The following ITGA4 variants were observed in gnomAD, a reference collection of about 807,000 sequenced individuals.
The protein encoded by ITGA4 is integrin alpha-4.
A neutral mutation model predicts 133.6 loss-of-function variants in ITGA4; 63 were observed. The observed-to-expected ratio is 0.47, with a 90% CI of 0.38 to 0.58. The LOEUF (loss-of-function observed/expected upper bound fraction) is 0.58. Ranked by LOEUF, ITGA4 falls within the 20% of genes least tolerant of loss-of-function variation. The probability of loss-of-function intolerance (pLI) is 0.00; values close to 1 mark genes in which losing one functional copy is unlikely to be tolerated. For synonymous variants in ITGA4, 483 were observed against 438.0 expected, an observed-to-expected ratio of 1.10 and a Z score of -1.28; for missense variants, 1,076 against 1,252.7, an observed-to-expected ratio of 0.86 and a Z score of 2.13.
Position 181,477,885 on chromosome 2 carries a change from C to G in ITGA4, c.557-872C>G, listed in dbSNP as rs1226083959. 4.0e-4 allele frequency among the ~76,000 whole-genome samples: 61 copies of G among 152,212 alleles called. 1 individual carries two copies. The South Asian group carries it at 7.5e-3, about 19-fold the overall frequency. The stretch of plus-strand genomic sequence containing the variant: ...TGAAATCAGTACCACATAAAGAGAT[C>G]TGCGTTTTTATGTTCATTGCAGCAG... On this transcript the variant is annotated intron_variant, in intron 4 of 27. Coordinates refer to ENST00000397033, the MANE Select transcript of ITGA4 (RefSeq NM_000885.6).
At chr2:181,480,336 G>C (rs1480161416) in intron 6 of ITGA4, 70 bp downstream of exon 6, 1 of 839,996 alleles carries the variant, frequency 1.2e-6, no homozygotes, top group African/African-American at 1.8e-5. Context: ...TATAAATAAG[G>C]AAAATGTATT....
At chr2:181,491,753 C>T (rs1686052516) in intron 10 of ITGA4, among the ~76,000 whole-genome samples, 1 of 152,190 alleles carries the variant, frequency 6.6e-6, no homozygotes, top group Admixed American at 6.5e-5. Context: ...TCACATCCCT[C>T]TTCTCCTCCT....
chr2:181,497,237 G>C (rs999708500), intron 14 of ITGA4, among the ~76,000 whole-genome samples: 3 of 152,132 alleles, frequency 2.0e-5, no homozygotes, highest in African/African-American at 7.2e-5. Context: ...CAATTCCATT[G>C]TGACCAGATA....
At chr2:181,460,652 ACT>A (rs1177836165) in intron 2 of ITGA4, among the ~76,000 whole-genome samples, 3 of 150,106 alleles carry the variant, frequency 2.0e-5, no homozygotes, top group Non-Finnish European at 3.0e-5. Context: ...AATGTGGGTG[ACT>A]CTAATGTTTC....
At chr2:181,460,571 G>A (rs867106941) in intron 2 of ITGA4, among the ~76,000 whole-genome samples, 9,425 of 144,902 alleles carry the variant, frequency 0.065, 357 homozygotes, top group Middle Eastern at 0.12. Context: ...AGAAGAGTGT[G>A]TGTGTGTGTG....
chr2:181,504,858 T>G (rs1168825517), intron 15 of ITGA4, among the ~76,000 whole-genome samples: 3 of 151,872 alleles, frequency 2.0e-5, no homozygotes, highest in Non-Finnish European at 4.4e-5. Context: ...GTGCTGTCTT[T>G]TCTCAGGAAA....
intron 22 of ITGA4, among the ~76,000 whole-genome samples, chr2:181,528,870 C>T (rs1266208027): frequency 6.6e-6 from 1 of 152,202 alleles, no homozygotes; most frequent in Admixed American, 6.5e-5. Context: ...CAGGAATCTT[C>T]AATCCCCAAA....
intron 2 of ITGA4, chr2:181,459,204 C>A (rs942960240): frequency 6.6e-6 from 1 of 152,108 alleles, no homozygotes; most frequent in African/African-American, 2.4e-5. Flanking sequence ...TTAAAAGTTA[C>A]TTAGCTAGTG....
chr2:181,470,554 C>G (rs575102182), intron 2 of ITGA4, among the ~76,000 whole-genome samples: 156 of 152,240 alleles, frequency 1.0e-3, no homozygotes, highest in African/African-American at 3.5e-3. Context: ...TTCAAACTCC[C>G]TTCAGTTGAT....
intron 9 of ITGA4, 59 bp downstream of exon 9, chr2:181,482,710 G>T: frequency 6.6e-7 from 1 of 1,512,404 alleles, no homozygotes; most frequent in Non-Finnish European, 9.1e-7. Flanking sequence ...AACTCAAATT[G>T]GTCTTATTCC....
At position 181,529,595 on chromosome 2, in the gene ITGA4, C is replaced by A; in HGVS notation, c.2485C>A (p.Pro829Thr). The A allele has an allele frequency of 6.2e-7, 1 of 1,611,078 alleles. No homozygotes were observed. Among genetic ancestry groups the A allele is most frequent in the South Asian group, 1.1e-5 (1 of 90,922 alleles). ...APNVSVEIMV[P>T]NSFSPQTDKL... The stretch of plus-strand genomic sequence containing the variant: ...CAATGTTAGTGTGGAAATAATGGTA[C>A]CAAATTCTTTTAGCCCCCAAACTGA... The change falls in exon 23 of 28, where the codon CCA becomes ACA. Residue 829 changes from proline (P) to threonine (T), a missense_variant. Pro to Thr is a conservative substitution (Grantham distance 38). Coordinates refer to ENST00000397033, the MANE Select transcript of ITGA4 (RefSeq NM_000885.6).
At chr2:181,506,464 G>C (rs1686395008) in intron 15 of ITGA4, among the ~76,000 whole-genome samples, 1 of 151,984 alleles carries the variant, frequency 6.6e-6, no homozygotes, top group Non-Finnish European at 1.5e-5. Context: ...ATGTTATGTA[G>C]ATAATAAGTG....
At chr2:181,492,951 T>G (rs1312734595) in intron 10 of ITGA4, 4 of 165,632 alleles carry the variant, frequency 2.4e-5, no homozygotes, top group Non-Finnish European at 5.2e-5. Context: ...GAGAGTGGTT[T>G]TTATTATGAT....
At chr2:181,490,651 C>A (rs1398201652) in intron 10 of ITGA4, among the ~76,000 whole-genome samples, 1 of 151,994 alleles carries the variant, frequency 6.6e-6, no homozygotes, top group African/African-American at 2.4e-5. Flanking sequence ...GGATCTGGAC[C>A]AGGCTGCAGG....
chr2:181,532,111 TTC>T (rs1200047502), intron 25 of ITGA4, among the ~76,000 whole-genome samples: 1 of 152,164 alleles, frequency 6.6e-6, no homozygotes, highest in Non-Finnish European at 1.5e-5. Flanking sequence ...CTGGTGTTAT[TTC>T]TGAGGTCTCT....
chr2:181,519,918 C>G (rs550240348), intron 17 of ITGA4, among the ~76,000 whole-genome samples: 1 of 152,118 alleles, frequency 6.6e-6, no homozygotes, highest in East Asian at 1.9e-4. Context: ...TGGACACCAC[C>G]GAACCCTTCT....
chr2:181,461,078 G>T (rs996211087), intron 2 of ITGA4, among the ~76,000 whole-genome samples: 1 of 151,308 alleles, frequency 6.6e-6, no homozygotes, highest in African/African-American at 2.4e-5. Flanking sequence ...CAGATCAGTG[G>T]TTGATTCAGA....
At chr2:181,527,420 C>A (rs940453471) in intron 22 of ITGA4, 33 bp downstream of exon 22, 6 of 1,404,790 alleles carry the variant, frequency 4.3e-6, no homozygotes, top group African/African-American at 4.2e-5. Flanking sequence ...ATATTTGTAA[C>A]AACCTAAAAG....
At chr2:181,472,984 C>A (rs1462646505) in intron 2 of ITGA4, among the ~76,000 whole-genome samples, 2 of 152,212 alleles carry the variant, frequency 1.3e-5, no homozygotes, top group African/African-American at 2.4e-5. Context: ...TTGTCCAGAC[C>A]TAGTCTTAGT....
Sources: gnomAD v4.1 joint callset for allele counts (sites outside exome capture counted in the v4.1 genomes callset) on GRCh38, gnomAD v4.1.1 for gene constraint, MANE v1.5 for transcripts, NCBI Gene and HGNC (gene_info 2026-07-23, HGNC 2026-07-21) for gene names.